The following ADGRA2 variants were observed in gnomAD, a reference collection of about 807,000 sequenced individuals.
ADGRA2 encodes G-protein coupled receptor 124.
A neutral mutation model predicts 98.7 loss-of-function variants in ADGRA2; 61 were observed. The ratio of observed to expected loss-of-function variants is 0.62; its 90% CI spans 0.50 to 0.76. The LOEUF (loss-of-function observed/expected upper bound fraction) is 0.76, where lower values mean the gene tolerates loss of function less well. Ranked by LOEUF, ADGRA2 falls within the 30% of genes least tolerant of loss-of-function variation. The pLI, the probability that ADGRA2 is intolerant of heterozygous loss-of-function variation, is 0.00. For missense variants in ADGRA2, 1,712 were observed against 1,860.0 expected (o/e 0.92, Z 1.46); for synonymous variants, 858 against 831.5 (o/e 1.03, Z -0.55).
intron 1 of ADGRA2, among the ~76,000 whole-genome samples, chr8:37,805,792 C>T (rs1221845763): frequency 6.6e-6 from 1 of 151,998 alleles, no homozygotes; most frequent in Non-Finnish European, 1.5e-5. Flanking sequence ...TTACTTGGAC[C>T]CGGGAGGTGG....
intron 13 of ADGRA2, 137 bp from the exon 14 acceptor site, chr8:37,837,594 C>A: frequency 1.4e-6 from 1 of 724,712 alleles, no homozygotes. Flanking sequence ...TCACCGCATG[C>A]CCCCAGCCCA....
intron 1 of ADGRA2, among the ~76,000 whole-genome samples, chr8:37,810,392 C>A (rs1198698483): frequency 6.6e-6 from 1 of 152,008 alleles, no homozygotes; most frequent in Non-Finnish European, 1.5e-5. Flanking sequence ...ACCTGTAGTC[C>A]CAGCTACTTG....
intron 1 of ADGRA2, among the ~76,000 whole-genome samples, chr8:37,811,169 T>G (rs1347658973): frequency 1.5e-5 from 1 of 65,604 alleles, no homozygotes; most frequent in Admixed American, 2.3e-4. Context: ...TGTGTGTGTG[T>G]TTTTTTTTTT....
chr8:37,808,678 A>G (rs2129922955), intron 1 of ADGRA2, among the ~76,000 whole-genome samples: 1 of 152,248 alleles, frequency 6.6e-6, no homozygotes, highest in South Asian at 2.1e-4. Context: ...CCAGCCAGGC[A>G]CAGTGGCTCA....
intron 2 of ADGRA2, among the ~76,000 whole-genome samples, chr8:37,824,258 T>C (rs1039807769): frequency 1.3e-5 from 2 of 152,020 alleles, no homozygotes; most frequent in African/African-American, 4.8e-5. Flanking sequence ...CTCGAACTCC[T>C]GACCTCGTGA....
chr8:37,824,197 A>C (rs907410801), intron 2 of ADGRA2, among the ~76,000 whole-genome samples: 1 of 151,752 alleles, frequency 6.6e-6, no homozygotes, highest in African/African-American at 2.4e-5. Context: ...ACGCCCAGCT[A>C]ATTTTTGTAT....
rs1275681609 is a variant in ADGRA2, at chr8:37,843,680, A to T, written c.*1325A>T. 2 of 152,198 alleles carry T rather than the reference A, an allele frequency of 1.3e-5. No homozygotes were observed. Among genetic ancestry groups the T allele is most frequent in the Non-Finnish European group, 2.9e-5 (2 of 67,982 alleles). 9.4% of individuals were successfully genotyped at this position (152,198 alleles called of 1,614,324 possible). ...ACAGAGGACACAGGGGAGGGGGAAA[A>T]CCCACACACACTCCTTGGAATGGGT... is the stretch of plus-strand genomic sequence containing the variant. On this transcript the variant is annotated 3_prime_UTR_variant, in exon 19 of 19. Transcript: ENST00000412232.
At chr8:37,808,105 G>A (rs1396096052) in intron 1 of ADGRA2, among the ~76,000 whole-genome samples, 5 of 152,180 alleles carry the variant, frequency 3.3e-5, no homozygotes, top group South Asian at 2.1e-4. Flanking sequence ...GACCCCAGCC[G>A]GGAGAGAGTT....
rs1805833414 is a variant in ADGRA2, at chr8:37,842,339, G to A, written c.4001G>A (p.Ser1334Asn). 11 of 1,506,024 alleles carry A rather than the reference G, an allele frequency of 7.3e-6. No individual in the cohort carries two copies. Among genetic ancestry groups the A allele is most frequent in the Non-Finnish European group, 9.7e-6 (11 of 1,131,718 alleles). 93.3% of individuals were successfully genotyped at this position (1,506,024 alleles called of 1,614,324 possible). A position where few individuals can be genotyped will look rare whatever the true frequency, so the allele number is the denominator to read the frequency against. ...GGCMKTGLWK[S>N]ETTV ...TGCATGAAGACCGGACTCTGGAAGA[G>A]CGAAACTACCGTCTAAGGTGGGGCG... is the stretch of plus-strand genomic sequence containing the variant. Residue 1334 changes from serine to asparagine, a missense_variant, in exon 19 of 19, where the codon AGC becomes AAC. Coordinates refer to ENST00000412232, the MANE Select transcript of ADGRA2 (RefSeq NM_032777.10).
At chr8:37,815,539 G>A (rs1339700348) in intron 2 of ADGRA2, among the ~76,000 whole-genome samples, 2 of 152,216 alleles carry the variant, frequency 1.3e-5, no homozygotes, top group Non-Finnish European at 2.9e-5. Flanking sequence ...CCCGCTAGCC[G>A]GCTGGAACCT....
At chr8:37,827,255 C>T (rs1029210942) in intron 2 of ADGRA2, among the ~76,000 whole-genome samples, 19 of 152,268 alleles carry the variant, frequency 1.2e-4, no homozygotes, top group African/African-American at 4.6e-4. Context: ...AGGCATCTGT[C>T]CCTGGCTGTG....
At chr8:37,805,460 C>T (rs542563651) in intron 1 of ADGRA2, among the ~76,000 whole-genome samples, 57 of 152,242 alleles carry the variant, frequency 3.7e-4, no homozygotes, top group African/African-American at 1.2e-3. Context: ...GTCTGCGCCG[C>T]GTGTGTTGGC....
chr8:37,835,256 G>A lies in ADGRA2; in HGVS notation c.1691G>A (p.Arg564Lys), dbSNP rs367822457. ...VGLTCTAFQRREGGVPGTRPG... is the reference protein window; with the variant it reads ...VGLTCTAFQRKEGGVPGTRPG... ...CTGACCTGCACAGCCTTCCAGAGGA[G>A]GGAGGGAGGGGTGCCGGGCACACGG... is the stretch of plus-strand genomic sequence containing the variant. The change falls in exon 12 of 19, where the codon AGG becomes AAG. Residue 564 changes from arginine (R) to lysine (K), a missense_variant. By Grantham distance (26) the Arg-to-Lys change is conservative. Transcript: ENST00000412232. 6.6e-5 allele frequency: 107 copies of A among 1,613,300 alleles called. No individual in the cohort carries two copies. Among genetic ancestry groups the A allele is most frequent in the Non-Finnish European group, 8.6e-5 (102 of 1,179,472 alleles).
intron 1 of ADGRA2, among the ~76,000 whole-genome samples, chr8:37,807,082 G>T (rs1034159756): frequency 6.6e-6 from 1 of 152,206 alleles, no homozygotes; most frequent in Non-Finnish European, 1.5e-5. Flanking sequence ...TCCAGGCTGG[G>T]TTCAGGGGCA....
In ADGRA2 at chr8:37,835,712, A is replaced by C. The variant is rs1162461578; in HGVS notation, c.1992A>C (p.Gly664=). The change falls in exon 13 of 19, where the codon GGA becomes GGC. Residue 664 remains glycine (G), a synonymous_variant. Transcript: ENST00000412232. ...FHSHSNTSRP[G]AAGPGKRRGV... The stretch of plus-strand genomic sequence containing the variant: ...GCCACAGCAACACCTCCCGCCCTGG[A>C]GCTGCTGGGCCTGGCAAGAGGCGTG... 3 of 1,613,724 alleles carry C rather than the reference A, an allele frequency of 1.9e-6. No homozygotes were observed. The highest frequency in any genetic ancestry group is 2.5e-6 in the Non-Finnish European group (3 of 1,179,942).
intron 14 of ADGRA2, among the ~76,000 whole-genome samples, chr8:37,838,623 C>T (rs542319028): frequency 1.1e-4 from 16 of 152,316 alleles, no homozygotes; most frequent in African/African-American, 3.4e-4. Flanking sequence ...CCCCCTCCCT[C>T]GTGGCACGTG....
intron 1 of ADGRA2, among the ~76,000 whole-genome samples, chr8:37,801,342 G>A (rs1232006667): frequency 1.3e-5 from 2 of 152,180 alleles, no homozygotes; most frequent in Non-Finnish European, 2.9e-5. Flanking sequence ...GTGGGCACCC[G>A]TGCTTCTGAA....
Position 37,835,276 on chromosome 8 carries a change from A to T in ADGRA2, c.1711A>T (p.Thr571Ser). The T allele has an allele frequency of 3.1e-6, 5 of 1,613,866 alleles. No individual in the cohort carries two copies. Among genetic ancestry groups the T allele is most frequent in the African/African-American group, 1.3e-5 (1 of 75,044 alleles). Residue 571 changes from threonine to serine, a missense_variant, in exon 12 of 19, where the codon ACA (threonine) becomes TCA (serine). Coordinates refer to ENST00000412232, the MANE Select transcript of ADGRA2 (RefSeq NM_032777.10). ...GAGGAGGGAGGGAGGGGTGCCGGGC[A>T]CACGGCCAGGAAGCCCTGGCCAGAA... is the stretch of plus-strand genomic sequence containing the variant. Reference protein sequence around the residue: ...FQRREGGVPGTRPGSPGQNPP... With the variant: ...FQRREGGVPGSRPGSPGQNPP...
At position 37,841,614 on chromosome 8, in the gene ADGRA2, C is replaced by A; in HGVS notation, c.3276C>A (p.Pro1092=). The A allele has an allele frequency of 6.5e-7, 1 of 1,547,834 alleles. No individual in the cohort carries two copies. ...ACCPPASPAA[P]HAPPRALPAA... Reference sequence around the variant, plus strand: ...GCCCCCCTGCCTCTCCCGCGGCCCCCCATGCCCCGCCCCGGGCCCTGCCCG... The same window carrying A: ...GCCCCCCTGCCTCTCCCGCGGCCCCACATGCCCCGCCCCGGGCCCTGCCCG... Residue 1092 remains proline (P), a synonymous_variant, in exon 19 of 19, where the codon CCC becomes CCA. Transcript: ENST00000412232. This position sits in a 1 kb window ranked among gnomAD's most constrained non-coding sequence, Gnocchi z 5.0.
Sources: allele counts gnomAD v4.1 joint callset (sites outside exome capture counted in the v4.1 genomes callset), GRCh38; gene constraint gnomAD v4.1.1; non-coding constraint Gnocchi (gnomAD v3.1); transcripts MANE v1.5; gene names NCBI Gene and HGNC (gene_info 2026-07-23, HGNC 2026-07-21).